Variants in OSBPL5 observed in about 807,000 individuals in gnomAD.
The protein encoded by OSBPL5 is oxysterol-binding protein-related protein 5.
In OSBPL5, 71 loss-of-function variants were observed where a neutral mutation model predicts 111.2. The ratio of observed to expected loss-of-function variants is 0.64; its 90% CI spans 0.53 to 0.78. The LOEUF (loss-of-function observed/expected upper bound fraction) is 0.78. Ranked by LOEUF, OSBPL5 falls within the 30% of genes least tolerant of loss-of-function variation. OSBPL5 has a pLI of 0.00. For missense variants in OSBPL5, 1,210 were observed against 1,189.3 expected (o/e 1.02, Z -0.26); for synonymous variants, 549 against 513.9 (o/e 1.07, Z -0.93).
chr11:3,088,197 C>T lies in OSBPL5; in HGVS notation c.*8G>A. On this transcript the variant is annotated 3_prime_UTR_variant, in exon 22 of 22. Transcript: ENST00000263650. ...CAGGACCGGCCAGGAGCTCTGCCCT[C>T]AGGGCTCCTATTTGAGGATGTGGTT... The T allele has an allele frequency of 6.3e-7, 1 of 1,574,882 alleles. No individual in the cohort carries two copies. The highest frequency in any genetic ancestry group is 1.2e-5 in the South Asian group (1 of 84,976).
rs1177974941 is a variant in OSBPL5, at chr11:3,121,144, G to C, written c.403-520C>G. Among the ~76,000 whole-genome samples, 3 of 147,620 alleles carry C rather than the reference G, an allele frequency of 2.0e-5. No homozygotes were observed. The East Asian group carries it at 6.0e-4, about 29-fold the overall frequency. ...GCTATCTTGGCTCGCTGCAAACTCT[G>C]CCTCCCAGGTTCAAGCGATTCTCCT... On this transcript the variant is annotated intron_variant, in intron 5 of 21. Transcript: ENST00000263650. The surrounding 1 kb of genome is among the most constrained non-coding windows in gnomAD (Gnocchi z 4.3).
chr11:3,091,517 G>A (rs558903096), intron 19 of OSBPL5, among the ~76,000 whole-genome samples: 63 of 152,304 alleles, frequency 4.1e-4, no homozygotes, highest in African/African-American at 1.5e-3. Context: ...AGGCTGCAGA[G>A]GGCATTGGGG....
rs746890676 is a variant in OSBPL5, at chr11:3,101,710, G to C, written c.1426-11C>G. ...CGGGTGGTGGGACACCTGCGTGCAGGGAGGCGGCTCTGTAAACAGCCCCGG... is the reference window on the plus strand; with the variant it reads ...CGGGTGGTGGGACACCTGCGTGCAGCGAGGCGGCTCTGTAAACAGCCCCGG... On this transcript the variant is annotated splice_polypyrimidine_tract_variant and intron_variant, in intron 12 of 21. Coordinates refer to ENST00000263650, the MANE Select transcript of OSBPL5 (RefSeq NM_020896.4). 1 of 1,610,684 alleles carries C rather than the reference G, an allele frequency of 6.2e-7. No homozygotes were observed.
At chr11:3,103,864 C>CCTCTGCAGCCCCTTCCAGCCTCTGCAG (rs1304966875) in intron 10 of OSBPL5, among the ~76,000 whole-genome samples, 2 of 49,496 alleles carry the variant, frequency 4.0e-5, no homozygotes, top group African/African-American at 1.2e-4. Flanking sequence ...GTCTGCGCAG[C>CCTCTGCAGCCCCTTCCAGCCTCTGCAG]CCCCTTCCTG....
rs2134572141 is a variant in OSBPL5 at position 3,162,009 on chromosome 11, A to C, written c.-22+3207T>G. On this transcript the variant is annotated intron_variant, in intron 1 of 21. Transcript: ENST00000263650. The surrounding 1 kb of genome is among the most constrained non-coding windows in gnomAD (Gnocchi z 8.1). ...GGGAGGGGGAGAGGAGAACAAGGGAAGGGAGACAGAGTGGAGGGGCATCTA... is the reference window on the plus strand; with the variant it reads ...GGGAGGGGGAGAGGAGAACAAGGGACGGGAGACAGAGTGGAGGGGCATCTA... Among the ~76,000 whole-genome samples the C allele has an allele frequency of 6.6e-6, 1 of 151,908 alleles. No individual in the cohort carries two copies.
chr11:3,160,672 T>TCCCCCCCCCCCCCCC (rs71035491), intron 1 of OSBPL5, among the ~76,000 whole-genome samples: 123 of 122,364 alleles, frequency 1.0e-3, no homozygotes, highest in Non-Finnish European at 1.1e-3. Flanking sequence ...ATGACAACCC[T>TCCCCCCCCCCCCCCC]CCCCCCCCCC....
Position 3,107,349 on chromosome 11 carries a change from T to A in OSBPL5, c.973A>T (p.Ser325Cys). 1 of 1,613,800 alleles carries A rather than the reference T, an allele frequency of 6.2e-7. No individual in the cohort carries two copies. Among genetic ancestry groups the A allele is most frequent in the Non-Finnish European group, 8.5e-7 (1 of 1,179,922 alleles). Residue 325 changes from serine (S) to cysteine (C), a missense_variant, in exon 9 of 22, where the codon AGT becomes TGT. Transcript: ENST00000263650. The surrounding 1 kb of genome is among the most constrained non-coding windows in gnomAD (Gnocchi z 6.1). ...ETQDHSRKTE[S>C]GSDQSETPGA... is the part of the protein sequence containing the mutation. ...GGGGTCTCTGACTGGTCGCTGCCAC[T>A]CTCCGTCTTCCGGCTATGGTCCTGG...
At chr11:3,103,197 C>A (rs374345451) in intron 11 of OSBPL5, 42 bp downstream of exon 11, 13 of 1,541,190 alleles carry the variant, frequency 8.4e-6, no homozygotes, top group Non-Finnish European at 1.1e-5. Flanking sequence ...CAGACAGACT[C>A]CTGGGCCGGA....
At chr11:3,136,157 C>A (rs770144892) in intron 1 of OSBPL5, among the ~76,000 whole-genome samples, 6 of 152,208 alleles carry the variant, frequency 3.9e-5, no homozygotes, top group Non-Finnish European at 7.4e-5. Context: ...TCTGACCCCA[C>A]GCCAAGGCCA....
Position 3,106,634 on chromosome 11 carries a change from G to A in OSBPL5, c.1059+629C>T, listed in dbSNP as rs796654757. Among the ~76,000 whole-genome samples, 53 of 152,306 alleles carry A rather than the reference G, an allele frequency of 3.5e-4. No individual in the cohort carries two copies. The highest frequency in any genetic ancestry group is 1.2e-3 in the African/African-American group (51 of 41,560). ...ACCGCCTGCTGCCTCCCTTGAGCTCGTGCGCTGGTGGTCCTTCTTCTTGGA... is the reference window on the plus strand; with the variant it reads ...ACCGCCTGCTGCCTCCCTTGAGCTCATGCGCTGGTGGTCCTTCTTCTTGGA... On this transcript the variant is annotated intron_variant, in intron 9 of 21. Transcript: ENST00000263650. The surrounding 1 kb of genome is among the most constrained non-coding windows in gnomAD (Gnocchi z 8.4).
rs139595066 is a variant in OSBPL5, at chr11:3,158,377, C to T, written c.-22+6839G>A. On this transcript the variant is annotated intron_variant, in intron 1 of 21. Coordinates refer to ENST00000263650, the MANE Select transcript of OSBPL5 (RefSeq NM_020896.4). ...GATCAGAGGGTGCCACGTGGGAGCACGCGCTCCTACAAAGCACAAACGGCT... is the reference window on the plus strand; with the variant it reads ...GATCAGAGGGTGCCACGTGGGAGCATGCGCTCCTACAAAGCACAAACGGCT... Among the ~76,000 whole-genome samples the T allele has an allele frequency of 4.7e-3, 713 of 152,382 alleles. 25 individuals carry two copies. Among genetic ancestry groups the T allele is most frequent in the Admixed American group, 0.043 (661 of 15,312 alleles).
At chr11:3,159,553 C>T (rs1342981024) in intron 1 of OSBPL5, among the ~76,000 whole-genome samples, 1 of 152,230 alleles carries the variant, frequency 6.6e-6, no homozygotes, top group Non-Finnish European at 1.5e-5. Context: ...CCCATGGACT[C>T]GCTGCCCCTT....
In OSBPL5 at chr11:3,114,591, ATTTTTTTT is replaced by A. The variant is rs59645003; in HGVS notation, c.691+4948_691+4955del. ...GACTAAAGAATTGGTTAGAACAATG[ATTTTTTTT>A]TTTTTTTTTTTTTTTTTTAGACAGA... On this transcript the variant is annotated intron_variant, in intron 7 of 21. Coordinates refer to ENST00000263650, the MANE Select transcript of OSBPL5 (RefSeq NM_020896.4). 5.1e-4 allele frequency among the ~76,000 whole-genome samples: 58 copies of A among 113,906 alleles called. 3 individuals are homozygous for A. The East Asian group carries it at 0.013, about 25-fold the overall frequency. 74.7% of individuals were successfully genotyped at this position (113,906 alleles called of 152,430 possible). A position where few individuals can be genotyped will look rare whatever the true frequency, so the allele number is the denominator to read the frequency against.
chr11:3,128,884 A>G (rs1187512823), intron 2 of OSBPL5, 129 bp downstream of exon 2: 2 of 913,746 alleles, frequency 2.2e-6, no homozygotes, highest in South Asian at 3.5e-5. Context: ...CCGTTTGATC[A>G]TGAAACCCAC....
chr11:3,101,739 C>T (rs1564827757), intron 12 of OSBPL5, 40 bp from the exon 13 acceptor site: 9 of 1,525,958 alleles, frequency 5.9e-6, no homozygotes, highest in Non-Finnish European at 8.1e-6. Context: ...GCCCCGGAAA[C>T]AGGTAATCCC....
intron 7 of OSBPL5, among the ~76,000 whole-genome samples, chr11:3,112,316 G>A (rs1197430188): frequency 6.6e-6 from 1 of 152,118 alleles, no homozygotes; most frequent in Non-Finnish European, 1.5e-5. Context: ...ATAGTTTATA[G>A]TAGCCTGGGG....
intron 1 of OSBPL5, among the ~76,000 whole-genome samples, chr11:3,134,833 G>A (rs375393614): frequency 6.6e-6 from 1 of 151,772 alleles, no homozygotes; most frequent in Non-Finnish European, 1.5e-5. Flanking sequence ...ACCCAGAGAG[G>A]GGCTGAGGGT....
chr11:3,135,580 C>T (rs916203722), intron 1 of OSBPL5, among the ~76,000 whole-genome samples: 1 of 152,076 alleles, frequency 6.6e-6, no homozygotes, highest in East Asian at 1.9e-4. Flanking sequence ...ACTCCCACCC[C>T]TGCCTGTGCC....
chr11:3,135,162 C>T lies in OSBPL5; in HGVS notation c.-21-5993G>A, dbSNP rs568999717. ...TCTTTGGACCTGAAGTGCGCCCTGG[C>T]GGTGCTTCGCTTTGGCCTGGGTGGG... On this transcript the variant is annotated intron_variant, in intron 1 of 21. Coordinates refer to ENST00000263650, the MANE Select transcript of OSBPL5 (RefSeq NM_020896.4). Among the ~76,000 whole-genome samples the T allele has an allele frequency of 5.9e-5, 9 of 152,330 alleles. No homozygotes were observed. The South Asian group carries it at 8.3e-4, about 14-fold the overall frequency.
Sources: gnomAD v4.1 joint callset for allele counts (sites outside exome capture counted in the v4.1 genomes callset) on GRCh38, gnomAD v4.1.1 for gene constraint, Gnocchi (gnomAD v3.1) non-coding constraint, MANE v1.5 for transcripts, NCBI Gene and HGNC (gene_info 2026-07-23, HGNC 2026-07-21) for gene names.